The following ARFGAP3 variants were observed in gnomAD, a reference collection of about 807,000 sequenced individuals.
ARFGAP3 encodes ADP-ribosylation factor GTPase-activating protein 3.
Under a neutral mutation model 75.0 loss-of-function variants are expected in ARFGAP3, and 72 were observed. The observed-to-expected ratio is 0.96, with a 90% confidence interval of 0.79 to 1.17. The LOEUF is 1.17. ARFGAP3 is among the 50% of genes most tolerant of loss of function. The pLI is 0.00. For synonymous variants in ARFGAP3, 221 were observed against 217.9 expected, an observed-to-expected ratio of 1.01 and a Z score of -0.13; for missense variants, 620 against 626.6, an observed-to-expected ratio of 0.99 and a Z score of 0.11.
intron 1 of ARFGAP3, chr22:42,853,718 T>A (rs1927379139): frequency 6.2e-6 from 1 of 161,326 alleles, no homozygotes; most frequent in African/African-American, 2.4e-5. Flanking sequence ...AAGTCTTTTG[T>A]ATGCGGTAAT....
chr22:42,854,340 C>G (rs1194373328), intron 1 of ARFGAP3, among the ~76,000 whole-genome samples: 1 of 152,090 alleles, frequency 6.6e-6, no homozygotes, highest in Non-Finnish European at 1.5e-5. Flanking sequence ...AAAATTCACC[C>G]TTGGCCAGGT....
intron 15 of ARFGAP3, 69 bp downstream of exon 15, chr22:42,798,970 A>T: frequency 7.7e-7 from 1 of 1,298,122 alleles, no homozygotes; most frequent in Non-Finnish European, 1.1e-6. Flanking sequence ...TTGAAGATTG[A>T]AGCAGGTCTC....
chr22:42,829,630 T>C (rs1023681126), intron 6 of ARFGAP3, among the ~76,000 whole-genome samples: 5 of 152,276 alleles, frequency 3.3e-5, no homozygotes, highest in African/African-American at 1.2e-4. Flanking sequence ...AAGCCGTTTT[T>C]GTCTACATAT....
At chr22:42,799,196 C>T in intron 14 of ARFGAP3, 36 bp from the exon 15 acceptor site, 1 of 1,608,532 alleles carries the variant, frequency 6.2e-7, no homozygotes, top group Non-Finnish European at 8.5e-7. Flanking sequence ...TCATCACTGC[C>T]CTGGCCACAG....
chr22:42,856,781 G>C (rs936166656), intron 1 of ARFGAP3, among the ~76,000 whole-genome samples: 1 of 151,140 alleles, frequency 6.6e-6, no homozygotes, highest in Non-Finnish European at 1.5e-5. Context: ...TCCTCGCAGC[G>C]CCCCCGAGGA....
At chr22:42,810,763 C>T in intron 12 of ARFGAP3, 50 bp downstream of exon 12, 1 of 1,533,242 alleles carries the variant, frequency 6.5e-7, no homozygotes, top group Non-Finnish European at 8.9e-7. Context: ...CAATTTTTTC[C>T]CAGAAATGCA....
intron 6 of ARFGAP3, 23 bp downstream of exon 6, chr22:42,831,526 C>A (rs1211059943): frequency 6.2e-7 from 1 of 1,603,462 alleles, no homozygotes; most frequent in East Asian, 2.2e-5. Flanking sequence ...AATAGTATTA[C>A]ATGACAGTTC....
chr22:42,800,505 T>G (rs930555290), intron 14 of ARFGAP3, among the ~76,000 whole-genome samples: 34 of 152,190 alleles, frequency 2.2e-4, no homozygotes, highest in Non-Finnish European at 7.4e-5. Context: ...CACTCCAGCC[T>G]GGGTGACAGA....
In ARFGAP3 at chr22:42,847,490, C is replaced by T. The variant is rs767319240; in HGVS notation, c.188+24G>A. On this transcript the variant is annotated intron_variant, in intron 2 of 15. Transcript: ENST00000263245. ...CATGTAACAATGTAATCAATCTCAC[C>T]CCAATGAGAGAAGATTCACTTACCG... is the stretch of plus-strand genomic sequence containing the variant. 2.1e-5 allele frequency: 33 copies of T among 1,576,830 alleles called. No homozygotes were observed. In the East Asian group the frequency reaches 4.5e-4, roughly 21 times the overall value.
At chr22:42,799,399 A>C in intron 14 of ARFGAP3, 1 of 224,918 alleles carries the variant, frequency 4.4e-6, no homozygotes, top group East Asian at 1.8e-4. Flanking sequence ...TATGAGTTCA[A>C]ATCCTGGCAC....
chr22:42,832,522 A>G (rs5758967), intron 5 of ARFGAP3, among the ~76,000 whole-genome samples: 40,965 of 147,858 alleles, frequency 0.28, 6,094 homozygotes, highest in Non-Finnish European at 0.33. Context: ...CAGAAGAGTA[A>G]GACTCCATCT....
Position 42,847,559 on chromosome 22 carries a change from C to G in ARFGAP3, c.143G>C (p.Cys48Ser), listed in dbSNP as rs1927076859. The part of the protein sequence containing the change: ...ITYGVFLCID[C>S]SGSHRSLGVH... ...ACCAAGTGACCGGTGGGACCCTGAG[C>G]AATCAATGCAAAGGAACACTCCATA... The change falls in exon 2 of 16, where the codon TGC (cysteine) becomes TCC (serine). Residue 48 changes from cysteine (C) to serine (S), a missense_variant. By Grantham distance (112) the Cys-to-Ser change is moderately radical. Coordinates refer to ENST00000263245, the MANE Select transcript of ARFGAP3 (RefSeq NM_014570.5). 6.2e-7 allele frequency: 1 copy of G among 1,613,712 alleles called. No homozygotes were observed. The highest frequency in any genetic ancestry group is 1.3e-5 in the African/African-American group (1 of 74,902).
At chr22:42,800,219 C>T (rs1209153373) in intron 14 of ARFGAP3, among the ~76,000 whole-genome samples, 1 of 152,206 alleles carries the variant, frequency 6.6e-6, no homozygotes, top group Non-Finnish European at 1.5e-5. Flanking sequence ...CCCCACATGA[C>T]ACCACCTGCT....
intron 12 of ARFGAP3, 156 bp from the exon 13 acceptor site, chr22:42,809,046 A>G: frequency 1.7e-6 from 1 of 605,944 alleles, no homozygotes; most frequent in Non-Finnish European, 2.1e-6. Flanking sequence ...TAAAAAAAAA[A>G]GAATAAATAC....
At chr22:42,823,587 T>C (rs1925905226) in intron 8 of ARFGAP3, 69 bp downstream of exon 8, 1 of 1,142,104 alleles carries the variant, frequency 8.8e-7, no homozygotes, top group Admixed American at 2.9e-5. Flanking sequence ...AAAACTAAAA[T>C]GACGAAGCGG....
chr22:42,823,041 C>T (rs1925880327), intron 8 of ARFGAP3, among the ~76,000 whole-genome samples: 1 of 152,192 alleles, frequency 6.6e-6, no homozygotes, highest in East Asian at 1.9e-4. Flanking sequence ...AACTCCGGGG[C>T]TCAAGTGATC....
chr22:42,822,557 G>T, intron 8 of ARFGAP3, 148 bp from the exon 9 acceptor site: 2 of 946,570 alleles, frequency 2.1e-6, no homozygotes, highest in Non-Finnish European at 3.1e-6. Context: ...ACTCTGTGAA[G>T]TTAGTATTAT....
intron 1 of ARFGAP3, among the ~76,000 whole-genome samples, chr22:42,856,205 GTA>G (rs1927489143): frequency 6.6e-6 from 1 of 152,166 alleles, no homozygotes; most frequent in Admixed American, 6.5e-5. Flanking sequence ...GGGCTCCCCT[GTA>G]CCATCAAGAC....
intron 11 of ARFGAP3, among the ~76,000 whole-genome samples, chr22:42,812,359 C>A (rs1233392010): frequency 6.6e-6 from 1 of 151,992 alleles, no homozygotes; most frequent in Admixed American, 6.6e-5. Context: ...AGGCAGATCC[C>A]AGGGAGGTCT....
Sources: gnomAD v4.1 joint callset for allele counts (sites outside exome capture counted in the v4.1 genomes callset) on GRCh38, gnomAD v4.1.1 for gene constraint, MANE v1.5 for transcripts, NCBI Gene and HGNC (gene_info 2026-07-23, HGNC 2026-07-21) for gene names.